The following ZNF804A variants were observed in gnomAD, a reference collection of about 807,000 sequenced individuals.
ZNF804A encodes zinc finger protein 804A.
A neutral mutation model predicts 16.5 loss-of-function variants in ZNF804A; 2 were observed. The observed-to-expected ratio is 0.12, with a 90% CI of 0.05 to 0.38. The LOEUF (loss-of-function observed/expected upper bound fraction) is 0.38, where lower values mean the gene tolerates loss of function less well. Among genes scored for constraint, ZNF804A ranks in the 10% least tolerant of loss-of-function variants. The pLI is 0.99. For synonymous variants in ZNF804A, 534 were observed against 489.6 expected, an observed-to-expected ratio of 1.09 and a Z score of -1.20; for missense variants, 1,473 against 1,390.7, an observed-to-expected ratio of 1.06 and a Z score of -0.94.
intron 1 of ZNF804A, among the ~76,000 whole-genome samples, chr2:184,694,667 T>C (rs1316420931): frequency 6.6e-6 from 1 of 152,164 alleles, no homozygotes; most frequent in Non-Finnish European, 1.5e-5. Flanking sequence ...AGAAATAGGA[T>C]CACTGGCTTG....
At chr2:184,839,917 G>A (rs1695409493) in intron 1 of ZNF804A, among the ~76,000 whole-genome samples, 1 of 152,020 alleles carries the variant, frequency 6.6e-6, no homozygotes, top group Non-Finnish European at 1.5e-5. Flanking sequence ...AATAGAATAA[G>A]GGACCATAAC....
intron 1 of ZNF804A, among the ~76,000 whole-genome samples, chr2:184,646,946 T>G (rs1175155874): frequency 1.3e-5 from 2 of 152,204 alleles, no homozygotes; most frequent in African/African-American, 2.4e-5. Flanking sequence ...CACTGTGCAT[T>G]CCAAGCATCA....
At chr2:184,794,345 C>T (rs940712798) in intron 1 of ZNF804A, among the ~76,000 whole-genome samples, 9 of 151,872 alleles carry the variant, frequency 5.9e-5, no homozygotes, top group Non-Finnish European at 1.0e-4. Flanking sequence ...TTTTTTCATA[C>T]GTTTGTTGGC....
chr2:184,854,412 A>G (rs1416685520), intron 1 of ZNF804A, among the ~76,000 whole-genome samples: 1 of 151,182 alleles, frequency 6.6e-6, no homozygotes, highest in African/African-American at 2.4e-5. Flanking sequence ...TGCAGGCCAG[A>G]TATGCCAACA....
At chr2:184,677,320 G>C (rs1176243460) in intron 1 of ZNF804A, among the ~76,000 whole-genome samples, 1 of 152,012 alleles carries the variant, frequency 6.6e-6, no homozygotes, top group Admixed American at 6.6e-5. Context: ...GTAATATCTA[G>C]AGGATAAAGA....
chr2:184,937,559 T>C lies in ZNF804A; in HGVS notation c.2163T>C (p.Thr721=). 3 of 1,612,066 alleles carry C rather than the reference T, an allele frequency of 1.9e-6. No homozygotes were observed. The South Asian group carries it at 3.3e-5, about 18-fold the overall frequency. ...SGKHNLTYSR[T]YCCWKTKMSS... is the part of the protein sequence containing the mutation. Reference sequence around the variant, plus strand: ...AACATAATTTAACATATTCTAGAACTTACTGTTGTTGGAAAACCAAAATGT... The same window carrying C: ...AACATAATTTAACATATTCTAGAACCTACTGTTGTTGGAAAACCAAAATGT... Residue 721 remains threonine (T), a synonymous_variant, in exon 4 of 4, where the codon ACT becomes ACC. Transcript: ENST00000302277.
At chr2:184,770,980 A>G (rs1319456875) in intron 1 of ZNF804A, among the ~76,000 whole-genome samples, 3 of 152,106 alleles carry the variant, frequency 2.0e-5, no homozygotes, top group Non-Finnish European at 4.4e-5. Flanking sequence ...TCAGAGCAAC[A>G]TAACTCGAAC....
chr2:184,760,485 A>G (rs1307185297), intron 1 of ZNF804A, among the ~76,000 whole-genome samples: 1 of 152,132 alleles, frequency 6.6e-6, no homozygotes, highest in Non-Finnish European at 1.5e-5. Context: ...ATCAGCAAGA[A>G]TTTTAGAAAG....
At chr2:184,673,109 AAAG>A (rs1226166568) in intron 1 of ZNF804A, among the ~76,000 whole-genome samples, 2 of 152,148 alleles carry the variant, frequency 1.3e-5, no homozygotes, top group Non-Finnish European at 2.9e-5. Context: ...AAATGAAATA[AAAG>A]AAGGAGGAAG....
intron 2 of ZNF804A, among the ~76,000 whole-genome samples, chr2:184,881,326 A>G (rs1270144507): frequency 1.3e-5 from 2 of 152,164 alleles, no homozygotes; most frequent in Non-Finnish European, 2.9e-5. Context: ...AGAGAAAACA[A>G]GCAACTTGGA....
chr2:184,645,886 G>T (rs1691862553), intron 1 of ZNF804A, among the ~76,000 whole-genome samples: 1 of 152,130 alleles, frequency 6.6e-6, no homozygotes. Context: ...AGTAAGTGAA[G>T]CCCCAATACA....
chr2:184,929,023 G>C (rs535680075), intron 2 of ZNF804A, among the ~76,000 whole-genome samples: 1 of 152,268 alleles, frequency 6.6e-6, no homozygotes, highest in Admixed American at 6.5e-5. Flanking sequence ...TTCATTTTTA[G>C]TTCTTATGAA....
At chr2:184,784,026 T>C (rs929062465) in intron 1 of ZNF804A, among the ~76,000 whole-genome samples, 7 of 152,014 alleles carry the variant, frequency 4.6e-5, no homozygotes, top group African/African-American at 1.7e-4. Context: ...TTCTAAATAT[T>C]GTTTACTAGT....
In ZNF804A at chr2:184,937,930, T is replaced by C; in HGVS notation, c.2534T>C (p.Leu845Pro). 6.2e-7 allele frequency: 1 copy of C among 1,614,000 alleles called. No homozygotes were observed. The highest frequency in any genetic ancestry group is 1.1e-5 in the South Asian group (1 of 91,076). The part of the protein sequence containing the change: ...PVKDNSSLNP[L>P]DRLISEDKKE... ...AAAGACAATTCTTCCTTAAATCCTC[T>C]GGATAGGTTAATAAGTGAAGACAAA... The change falls in exon 4 of 4, where the codon CTG becomes CCG. Residue 845 changes from leucine (L) to proline (P), a missense_variant. Leu to Pro is a moderately conservative substitution (Grantham distance 98). Transcript: ENST00000302277.
At chr2:184,624,101 G>A (rs1691459553) in intron 1 of ZNF804A, among the ~76,000 whole-genome samples, 1 of 152,018 alleles carries the variant, frequency 6.6e-6, no homozygotes, top group African/African-American at 2.4e-5. Flanking sequence ...AATAGTGCTG[G>A]CCCATTAATA....
At chr2:184,884,612 A>G (rs1684858081) in intron 2 of ZNF804A, among the ~76,000 whole-genome samples, 1 of 152,184 alleles carries the variant, frequency 6.6e-6, no homozygotes, top group Non-Finnish European at 1.5e-5. Flanking sequence ...AGAACCATAG[A>G]CCAATGGAAC....
At chr2:184,818,147 GC>G (rs1437763132) in intron 1 of ZNF804A, among the ~76,000 whole-genome samples, 1 of 151,826 alleles carries the variant, frequency 6.6e-6, no homozygotes, top group African/African-American at 2.4e-5. Context: ...AATATTAAGG[GC>G]AGATAGAGAG....
intron 1 of ZNF804A, among the ~76,000 whole-genome samples, chr2:184,770,617 A>C (rs939384935): frequency 2.0e-5 from 3 of 152,060 alleles, no homozygotes; most frequent in Non-Finnish European, 4.4e-5. Flanking sequence ...TTTACATCTC[A>C]AAAAGAAAAT....
At chr2:184,922,622 T>C (rs1033458870) in intron 2 of ZNF804A, among the ~76,000 whole-genome samples, 9 of 152,098 alleles carry the variant, frequency 5.9e-5, no homozygotes, top group Admixed American at 5.9e-4. Context: ...TATTTGTCCA[T>C]GTTTCCTTTG....
Sources: allele counts gnomAD v4.1 joint callset (sites outside exome capture counted in the v4.1 genomes callset), GRCh38; gene constraint gnomAD v4.1.1; transcripts MANE v1.5; gene names NCBI Gene and HGNC (gene_info 2026-07-23, HGNC 2026-07-21).